Variants in PUDP observed in about 807,000 individuals in gnomAD.
PUDP encodes pseudouridine-5'-phosphatase.
In PUDP, 8 loss-of-function variants were observed where a neutral mutation model predicts 9.4. The observed-to-expected ratio is 0.85, with a 90% CI of 0.50 to 1.53. PUDP has a LOEUF of 1.53. Ranked by LOEUF, PUDP falls within the 40% of genes most tolerant of loss-of-function variation. The probability of loss-of-function intolerance (pLI) is 0.00; values close to 1 mark genes in which losing one functional copy is unlikely to be tolerated. For missense variants in PUDP, 188 were observed against 189.7 expected (o/e 0.99, Z 0.05); for synonymous variants, 99 against 80.7 (o/e 1.23, Z -1.22).
chrX:7,083,676 G>A (rs1416719725), intron 2 of PUDP, among the ~76,000 whole-genome samples: 4 of 110,534 alleles, frequency 3.6e-5, no homozygotes, highest in Non-Finnish European at 7.6e-5. Context: ...CGAGGTGGGC[G>A]GATTACTTGA....
intron 2 of PUDP, among the ~76,000 whole-genome samples, chrX:7,099,530 C>A (rs1016951733): frequency 5.3e-5 from 6 of 112,474 alleles, no homozygotes; most frequent in African/African-American, 1.6e-4. Flanking sequence ...AAAAGGATTT[C>A]CCACTGAGGA....
At chrX:7,015,131 G>C (rs1297245057) in intron 1 of PUDP, among the ~76,000 whole-genome samples, 1 of 111,688 alleles carries the variant, frequency 9.0e-6, no homozygotes. Context: ...ACGCTCTGAA[G>C]GTTTGCTGAT....
At chrX:6,749,838 G>C (rs892227297) in intron 3 of PUDP, among the ~76,000 whole-genome samples, 5 of 111,484 alleles carry the variant, frequency 4.5e-5, no homozygotes, top group African/African-American at 1.6e-4. Flanking sequence ...CCGTGAAAAT[G>C]GCCCTTAAAA....
chrX:6,743,898 G>C (rs183316499), intron 3 of PUDP, among the ~76,000 whole-genome samples: 1 of 111,685 alleles, frequency 9.0e-6, no homozygotes, highest in Non-Finnish European at 1.9e-5. Context: ...TTATTTTTTG[G>C]TGTCATTTAT....
At chrX:6,751,165 G>A (rs1925074165) in intron 3 of PUDP, among the ~76,000 whole-genome samples, 1 of 107,706 alleles carries the variant, frequency 9.3e-6, no homozygotes, top group Non-Finnish European at 1.9e-5. Flanking sequence ...AAAGAAAAAA[G>A]AAAGAAAGAA....
At chrX:7,123,640 A>T (rs1932403582) in intron 1 of PUDP, among the ~76,000 whole-genome samples, 1 of 111,949 alleles carries the variant, frequency 8.9e-6, no homozygotes, top group South Asian at 3.7e-4. Context: ...TACAATAGAG[A>T]TACAATTTAG....
chrX:6,733,371 C>T (rs1173097940), intron 3 of PUDP, among the ~76,000 whole-genome samples: 1 of 111,343 alleles, frequency 9.0e-6, no homozygotes, highest in African/African-American at 3.3e-5. Flanking sequence ...GAGCTAGGGG[C>T]ATCGGCAGGA....
intron 3 of PUDP, among the ~76,000 whole-genome samples, chrX:6,934,579 G>C (rs1602679768): frequency 9.2e-6 from 1 of 108,302 alleles, no homozygotes; most frequent in African/African-American, 3.4e-5. Context: ...ATCGACTAAC[G>C]AGCAAAATAA....
At chrX:7,120,699 A>G (rs1189276119) in intron 1 of PUDP, among the ~76,000 whole-genome samples, 1 of 112,548 alleles carries the variant, frequency 8.9e-6, no homozygotes, top group African/African-American at 3.2e-5. Flanking sequence ...ACAAAGACTT[A>G]GGCACAGATA....
rs763788313 is a variant in PUDP at position 6,969,446 on chromosome X, T to C, written c.*247+7687A>G. 4.2e-4 allele frequency among the ~76,000 whole-genome samples: 47 copies of C among 112,215 alleles called. 1 individual carries two copies. Among genetic ancestry groups the C allele is most frequent in the African/African-American group, 1.5e-3 (45 of 30,882 alleles). ...GCTGTAGGAATAAAGGTAGATCTCT[T>C]ATGTTTTTCAGAACAGATCTCTTTG... On this transcript the variant is annotated intron_variant and NMD_transcript_variant, in intron 3 of 3. Transcript: ENST00000655425.
intron 3 of PUDP, among the ~76,000 whole-genome samples, chrX:6,883,863 C>T (rs1206293311): frequency 9.0e-6 from 1 of 111,094 alleles, no homozygotes. Flanking sequence ...TTTTTTGAGA[C>T]GGAGTCTCAC....
chrX:7,106,571 AT>A (rs1413566680), intron 1 of PUDP, among the ~76,000 whole-genome samples: 2 of 112,353 alleles, frequency 1.8e-5, no homozygotes, highest in East Asian at 5.5e-4. Context: ...ACCCATTTCT[AT>A]TCATGTGTTT....
At chrX:6,814,154 C>T (rs996249068) in intron 3 of PUDP, among the ~76,000 whole-genome samples, 1 of 111,293 alleles carries the variant, frequency 9.0e-6, no homozygotes, top group African/African-American at 3.3e-5. Context: ...CCACATTGTC[C>T]CTTTAAGCCA....
chrX:6,927,620 C>T (rs1159070516), intron 3 of PUDP, among the ~76,000 whole-genome samples: 1 of 110,983 alleles, frequency 9.0e-6, no homozygotes, highest in Non-Finnish European at 1.9e-5. Flanking sequence ...GAGCCTTAGC[C>T]CCTAAAGGTT....
intron 1 of PUDP, among the ~76,000 whole-genome samples, chrX:7,118,317 G>A (rs1019097117): frequency 6.2e-5 from 7 of 112,390 alleles, no homozygotes; most frequent in Non-Finnish European, 1.3e-4. Context: ...TATGTCACAG[G>A]AAAAGGAAAT....
Position 6,900,328 on chromosome X carries a change from G to GGGT in PUDP, c.*247+76804_*247+76805insACC, listed in dbSNP as rs1377727607. On this transcript the variant is annotated intron_variant and NMD_transcript_variant, in intron 3 of 3. Coordinates refer to the PUDP transcript ENST00000655425. The stretch of plus-strand genomic sequence containing the variant: ...TGACATTTTTGGTTGTCACCACTTG[G>GGGT]GGGGGGGGGCGCTGCTACTGGCATC... Among the ~76,000 whole-genome samples the GGGT allele has an allele frequency of 1.2e-3, 75 of 63,126 alleles. 3 individuals carry two copies. The highest frequency in any genetic ancestry group is 7.1e-3 in the Middle Eastern group (1 of 141). 54.8% of individuals were successfully genotyped at this position (63,126 alleles called of 115,157 possible).
chrX:6,882,916 G>C (rs1927369974), intron 3 of PUDP, among the ~76,000 whole-genome samples: 1 of 111,616 alleles, frequency 9.0e-6, no homozygotes, highest in Non-Finnish European at 1.9e-5. Flanking sequence ...AAGCAGGCAA[G>C]CCAAGGAGGT....
At chrX:7,027,702 ATAGT>A (rs1460889712) in intron 1 of PUDP, among the ~76,000 whole-genome samples, 1 of 100,032 alleles carries the variant, frequency 1.0e-5, no homozygotes, top group South Asian at 4.4e-4. Context: ...TATATAGAAT[ATAGT>A]TATTCTATTT....
chrX:6,802,396 A>G (rs1347371852), intron 3 of PUDP, among the ~76,000 whole-genome samples: 2 of 111,721 alleles, frequency 1.8e-5, no homozygotes, highest in Admixed American at 1.9e-4. Context: ...AAAGATGATC[A>G]TCCTCATTTT....
Sources: gnomAD v4.1 joint callset for allele counts (sites outside exome capture counted in the v4.1 genomes callset) on GRCh38, gnomAD v4.1.1 for gene constraint, MANE v1.5 for transcripts, NCBI Gene and HGNC (gene_info 2026-07-23, HGNC 2026-07-21) for gene names.